The following SEMA6D variants were observed in gnomAD, a reference collection of about 807,000 sequenced individuals.
SEMA6D encodes semaphorin 6D.
A neutral mutation model predicts 106.6 loss-of-function variants in SEMA6D; 35 were observed. That is an observed-to-expected ratio of 0.33 (90% CI 0.25 to 0.44). SEMA6D has a LOEUF of 0.44. SEMA6D is among the 20% of genes least tolerant of loss of function. SEMA6D has a pLI of 1.00. For missense variants in SEMA6D, 1,185 were observed against 1,345.9 expected (o/e 0.88, Z 1.87); for synonymous variants, 499 against 487.7 (o/e 1.02, Z -0.31).
intron 3 of SEMA6D, among the ~76,000 whole-genome samples, chr15:47,543,978 A>G (rs2045439445): frequency 1.3e-5 from 2 of 152,202 alleles, no homozygotes; most frequent in Non-Finnish European, 2.9e-5. Context: ...GCCTTGGAGT[A>G]TTTGAAAGTC....
chr15:47,687,043 G>A (rs78151451), intron 4 of SEMA6D, among the ~76,000 whole-genome samples: 5,986 of 143,192 alleles, frequency 0.042, 398 homozygotes, highest in African/African-American at 0.14. Flanking sequence ...TTCAGCCTAG[G>A]TGACACAGCA....
intron 3 of SEMA6D, among the ~76,000 whole-genome samples, chr15:47,538,951 T>G (rs1381849079): frequency 6.6e-6 from 1 of 152,178 alleles, no homozygotes; most frequent in Non-Finnish European, 1.5e-5. Context: ...GAAGAAGATC[T>G]ACTTAGAGCT....
In SEMA6D at chr15:47,471,931, T is replaced by TCACACACACACA. The variant is rs1168586101; in HGVS notation, c.-87+1418_-87+1429dup. On this transcript the variant is annotated intron_variant, in intron 3 of 19. Transcript: ENST00000558014. ...CTCTCTCTCTCTCTCTCTCTCTCTC[T>TCACACACACACA]CACACACACACACACACACACACAC... Among the ~76,000 whole-genome samples, 342 of 121,488 alleles carry TCACACACACACA rather than the reference T, an allele frequency of 2.8e-3. 3 individuals are homozygous for TCACACACACACA. Among genetic ancestry groups the TCACACACACACA allele is most frequent in the Non-Finnish European group, 4.4e-3 (265 of 59,782 alleles). The allele number at this position is 121,488 out of a possible 152,430, so 79.7% of individuals were successfully genotyped here. A position where few individuals can be genotyped will look rare whatever the true frequency, so the allele number is the denominator to read the frequency against.
intron 1 of SEMA6D, among the ~76,000 whole-genome samples, chr15:47,226,455 G>A (rs939437558): frequency 6.6e-6 from 1 of 152,116 alleles, no homozygotes; most frequent in African/African-American, 2.4e-5. Context: ...AGGTATCTGA[G>A]TAGTGACAAT....
intron 4 of SEMA6D, among the ~76,000 whole-genome samples, chr15:47,612,249 G>C (rs527370255): frequency 1.3e-5 from 2 of 152,182 alleles, no homozygotes; most frequent in African/African-American, 4.8e-5. Context: ...TAAAAGAATT[G>C]AGCCTGCAGT....
chr15:47,453,669 A>ACTAAAAC (rs2042258940), intron 2 of SEMA6D, among the ~76,000 whole-genome samples: 1 of 151,990 alleles, frequency 6.6e-6, no homozygotes, highest in Non-Finnish European at 1.5e-5. Context: ...ACAAAGAGGC[A>ACTAAAAC]GAATCAAATG....
intron 2 of SEMA6D, among the ~76,000 whole-genome samples, chr15:47,467,690 G>C (rs924462319): frequency 4.6e-5 from 7 of 152,246 alleles, no homozygotes; most frequent in African/African-American, 1.7e-4. Flanking sequence ...CATTTTGCTA[G>C]GGATTAACTC....
At chr15:47,691,857 A>T (rs1180495959) in intron 4 of SEMA6D, among the ~76,000 whole-genome samples, 1 of 152,188 alleles carries the variant, frequency 6.6e-6, no homozygotes, top group East Asian at 1.9e-4. Flanking sequence ...AGTAAAAAAA[A>T]AAAAGGAAAA....
At chr15:47,201,146 A>C (rs1894700967) in intron 1 of SEMA6D, among the ~76,000 whole-genome samples, 1 of 152,204 alleles carries the variant, frequency 6.6e-6, no homozygotes, top group Non-Finnish European at 1.5e-5. Flanking sequence ...CTTCCAAATA[A>C]TTTATTTCTA....
At chr15:47,213,641 A>G (rs1224193824) in intron 1 of SEMA6D, among the ~76,000 whole-genome samples, 1 of 152,140 alleles carries the variant, frequency 6.6e-6, no homozygotes, top group Non-Finnish European at 1.5e-5. Context: ...ATCCCATTGG[A>G]TTTTACTAGC....
At chr15:47,461,707 G>A (rs1201755899) in intron 2 of SEMA6D, among the ~76,000 whole-genome samples, 1 of 151,990 alleles carries the variant, frequency 6.6e-6, no homozygotes. Context: ...ATTTGGAATG[G>A]AAAATCTAGT....
intron 2 of SEMA6D, among the ~76,000 whole-genome samples, chr15:47,436,321 C>T (rs2041699869): frequency 1.3e-5 from 2 of 151,088 alleles, no homozygotes; most frequent in African/African-American, 4.9e-5. Flanking sequence ...ACCCAGGAAG[C>T]GGAGGTTGCA....
intron 1 of SEMA6D, among the ~76,000 whole-genome samples, chr15:47,329,500 T>A (rs978592259): frequency 6.6e-6 from 1 of 152,206 alleles, no homozygotes; most frequent in Non-Finnish European, 1.5e-5. Flanking sequence ...AACAAAGTAA[T>A]ACTAATGTCA....
chr15:47,274,122 T>C (rs2034690786), intron 1 of SEMA6D: 1 of 152,144 alleles, frequency 6.6e-6, no homozygotes, highest in African/African-American at 2.4e-5. Context: ...GAAAATGTTG[T>C]CTTGCACATC....
intron 1 of SEMA6D, among the ~76,000 whole-genome samples, chr15:47,217,566 G>GGTGTGTGTGTGT (rs146342466): frequency 8.9e-5 from 13 of 145,820 alleles, no homozygotes; most frequent in African/African-American, 2.5e-4. Flanking sequence ...CGCGTGCACG[G>GGTGTGTGTGTGT]GTGTGTGTGT....
At chr15:47,303,977 G>C (rs1324693064) in intron 1 of SEMA6D, among the ~76,000 whole-genome samples, 2 of 152,106 alleles carry the variant, frequency 1.3e-5, no homozygotes, top group Non-Finnish European at 2.9e-5. Context: ...AGAACACACG[G>C]ATAACTACAT....
intron 3 of SEMA6D, among the ~76,000 whole-genome samples, chr15:47,582,411 A>G (rs765294996): frequency 1.3e-5 from 2 of 152,228 alleles, no homozygotes; most frequent in Non-Finnish European, 2.9e-5. Flanking sequence ...TCGGAAGACA[A>G]AAGAATAAAT....
chr15:47,675,822 T>A (rs1019692212), intron 4 of SEMA6D, among the ~76,000 whole-genome samples: 14 of 152,164 alleles, frequency 9.2e-5, no homozygotes, highest in African/African-American at 3.4e-4. Flanking sequence ...CCTACCCCTT[T>A]CCCTGATGTG....
At chr15:47,390,802 T>C (rs926083255) in intron 1 of SEMA6D, among the ~76,000 whole-genome samples, 4 of 152,214 alleles carry the variant, frequency 2.6e-5, no homozygotes, top group African/African-American at 9.6e-5. Context: ...GTTATATTTT[T>C]TTACTAGCTT....
Sources: allele counts gnomAD v4.1 joint callset (sites outside exome capture counted in the v4.1 genomes callset), GRCh38; gene constraint gnomAD v4.1.1; transcripts MANE v1.5; gene names NCBI Gene and HGNC (gene_info 2026-07-23, HGNC 2026-07-21).